The following PAMR1 variants were observed in gnomAD, a reference collection of about 807,000 sequenced individuals.
PAMR1 encodes peptidase domain containing associated with muscle regeneration 1, also known as inactive serine protease PAMR1.
A neutral mutation model predicts 81.8 loss-of-function variants in PAMR1; 88 were observed. The ratio of observed to expected loss-of-function variants is 1.08; its 90% CI spans 0.91 to 1.28. The LOEUF is 1.28. Ranked by LOEUF, PAMR1 falls within the 50% of genes most tolerant of loss-of-function variation. The pLI is 0.00. For synonymous variants in PAMR1, 336 were observed against 345.3 expected (o/e 0.97, Z 0.30); for missense variants, 935 against 919.7 (o/e 1.02, Z -0.21).
chr11:35,475,222 C>A (rs1474912168), intron 3 of PAMR1, among the ~76,000 whole-genome samples: 1 of 152,124 alleles, frequency 6.6e-6, no homozygotes, highest in Non-Finnish European at 1.5e-5. Flanking sequence ...GAAATCAAGG[C>A]ATTAATTTAT....
chr11:35,513,042 T>C (rs1851101197), intron 1 of PAMR1, among the ~76,000 whole-genome samples: 1 of 152,106 alleles, frequency 6.6e-6, no homozygotes, highest in Non-Finnish European at 1.5e-5. Flanking sequence ...AGTAAGCACT[T>C]AGTGTTATCA....
intron 1 of PAMR1, among the ~76,000 whole-genome samples, chr11:35,519,190 G>A (rs901571723): frequency 1.3e-5 from 2 of 152,186 alleles, no homozygotes; most frequent in African/African-American, 4.8e-5. Context: ...GGACACTGGT[G>A]TCTGATAGAC....
intron 10 of PAMR1, among the ~76,000 whole-genome samples, chr11:35,434,294 T>A (rs1855982275): frequency 6.6e-6 from 1 of 152,088 alleles, no homozygotes; most frequent in Admixed American, 6.6e-5. Context: ...TGCCTCTATC[T>A]TATTTAAAAA....
chr11:35,474,754 G>A lies in PAMR1; in HGVS notation c.380-10C>T. On this transcript the variant is annotated splice_polypyrimidine_tract_variant and intron_variant, in intron 3 of 10. Transcript: ENST00000619888. ...AGAACCTGGCCACATCCTAAGAAAAGAAGAAAAGATTGGGACATAAAAATG... is the reference window on the plus strand; with the variant it reads ...AGAACCTGGCCACATCCTAAGAAAAAAAGAAAAGATTGGGACATAAAAATG... The A allele has an allele frequency of 6.3e-7, 1 of 1,585,484 alleles. No individual in the cohort carries two copies. The highest frequency in any genetic ancestry group is 8.6e-7 in the Non-Finnish European group (1 of 1,158,738).
intron 6 of PAMR1, among the ~76,000 whole-genome samples, chr11:35,456,593 A>G (rs1227616738): frequency 6.6e-6 from 1 of 152,216 alleles, no homozygotes; most frequent in Non-Finnish European, 1.5e-5. Context: ...ACCAGGGCAC[A>G]TTTGTGTAGT....
chr11:35,482,942 G>A (rs1414384458), intron 3 of PAMR1, among the ~76,000 whole-genome samples: 1 of 152,084 alleles, frequency 6.6e-6, no homozygotes, highest in Non-Finnish European at 1.5e-5. Context: ...ATCTTTTAGT[G>A]CATTTATTTT....
At chr11:35,499,222 C>T (rs1057209635) in intron 1 of PAMR1, among the ~76,000 whole-genome samples, 3 of 152,112 alleles carry the variant, frequency 2.0e-5, no homozygotes, top group Non-Finnish European at 2.9e-5. Context: ...TGCCTTTCCT[C>T]CCACAGCGAG....
Position 35,431,832 on chromosome 11 carries a change from T to C in PAMR1, c.*524A>G, listed in dbSNP as rs1295580145. 1 of 155,210 alleles carries C rather than the reference T, an allele frequency of 6.4e-6. No homozygotes were observed. Among genetic ancestry groups the C allele is most frequent in the Non-Finnish European group, 1.4e-5 (1 of 70,126 alleles). 9.6% of individuals were successfully genotyped at this position (155,210 alleles called of 1,614,324 possible). On this transcript the variant is annotated 3_prime_UTR_variant, in exon 11 of 11. Coordinates refer to ENST00000619888, the MANE Select transcript of PAMR1 (RefSeq NM_001001991.3). ...ATAAGAGCATAGCACATTTGTTTTG[T>C]AGTTCAGAAGCCAACCCTTATTTTA...
In PAMR1 at chr11:35,432,907, A is replaced by T; in HGVS notation, c.1627-15T>A. On this transcript the variant is annotated splice_polypyrimidine_tract_variant and intron_variant, in intron 10 of 10. Transcript: ENST00000619888. ...ATAGCAGAAATCTACAAATGCAAGGAATGGGCAGCAATGGTGAGGAGCCAG... is the reference window on the plus strand; with the variant it reads ...ATAGCAGAAATCTACAAATGCAAGGTATGGGCAGCAATGGTGAGGAGCCAG... 1 of 1,547,478 alleles carries T rather than the reference A, an allele frequency of 6.5e-7. No homozygotes were observed.
At chr11:35,467,426 TG>T (rs1856777329) in intron 6 of PAMR1, among the ~76,000 whole-genome samples, 1 of 152,244 alleles carries the variant, frequency 6.6e-6, no homozygotes, top group African/African-American at 2.4e-5. Context: ...GGCTTCCATC[TG>T]TGACACCTGT....
intron 3 of PAMR1, among the ~76,000 whole-genome samples, chr11:35,489,750 T>C (rs139365956): frequency 6.6e-6 from 1 of 152,356 alleles, no homozygotes; most frequent in Non-Finnish European, 1.5e-5. Flanking sequence ...CTCTGCCAAC[T>C]GAAGAGCAAA....
At chr11:35,438,512 C>T (rs562400848) in intron 8 of PAMR1, among the ~76,000 whole-genome samples, 37 of 152,286 alleles carry the variant, frequency 2.4e-4, no homozygotes, top group African/African-American at 7.5e-4. Flanking sequence ...CAAGAATACC[C>T]AGCACTAAAG....
chr11:35,476,821 C>T (rs1850294029), intron 3 of PAMR1, among the ~76,000 whole-genome samples: 3 of 151,990 alleles, frequency 2.0e-5, no homozygotes, highest in Non-Finnish European at 4.4e-5. Flanking sequence ...CCTAAACCCA[C>T]ACTCCTCCCA....
At chr11:35,513,614 A>G (rs1166060971) in intron 1 of PAMR1, 1 of 152,202 alleles carries the variant, frequency 6.6e-6, no homozygotes, top group East Asian at 1.9e-4. Flanking sequence ...CATTTTATAT[A>G]TGAAGAAACC....
chr11:35,509,900 G>A (rs1485780988), intron 1 of PAMR1, among the ~76,000 whole-genome samples: 3 of 152,164 alleles, frequency 2.0e-5, no homozygotes, highest in Non-Finnish European at 4.4e-5. Flanking sequence ...AAAGCCTTAT[G>A]AAAGCTGCAA....
intron 1 of PAMR1, chr11:35,513,293 CA>C (rs1259862302): frequency 6.6e-6 from 1 of 152,220 alleles, no homozygotes; most frequent in Non-Finnish European, 1.5e-5. Context: ...ATCCTTACAA[CA>C]ACCCTATAGC....
At chr11:35,482,228 G>T (rs1565346194) in intron 3 of PAMR1, among the ~76,000 whole-genome samples, 1 of 152,148 alleles carries the variant, frequency 6.6e-6, no homozygotes, top group Non-Finnish European at 1.5e-5. Context: ...TGTAAGGAAG[G>T]GGTCCAGTTT....
intron 6 of PAMR1, among the ~76,000 whole-genome samples, chr11:35,462,685 G>A (rs1254157030): frequency 1.3e-5 from 2 of 152,104 alleles, no homozygotes; most frequent in African/African-American, 4.8e-5. Flanking sequence ...TGCCTTATGT[G>A]GATCATCTCA....
At chr11:35,525,388 C>T in intron 1 of PAMR1, 125 bp downstream of exon 1, 1 of 738,996 alleles carries the variant, frequency 1.4e-6, no homozygotes. Flanking sequence ...CCCCTCAACC[C>T]CTCACCCCAA....
Sources: gnomAD v4.1 joint callset for allele counts (sites outside exome capture counted in the v4.1 genomes callset) on GRCh38, gnomAD v4.1.1 for gene constraint, MANE v1.5 for transcripts, NCBI Gene and HGNC (gene_info 2026-07-23, HGNC 2026-07-21) for gene names.